The following LHPP variants were observed in gnomAD, a reference collection of about 807,000 sequenced individuals.
LHPP encodes hLHPP.
In LHPP, 24 loss-of-function variants were observed where a neutral mutation model predicts 30.3. That is an observed-to-expected ratio of 0.79 (90% CI 0.57 to 1.11). The LOEUF (loss-of-function observed/expected upper bound fraction) is 1.11. Among genes scored for constraint, LHPP ranks in the 50% most tolerant of loss-of-function variants. The pLI is 0.00. For missense variants in LHPP, 356 were observed against 367.2 expected (o/e 0.97, Z 0.25); for synonymous variants, 150 against 157.1 (o/e 0.95, Z 0.34).
chr10:124,554,024 T>C, intron 6 of LHPP: 1 of 985,418 alleles, frequency 1.0e-6, no homozygotes, highest in Non-Finnish European at 1.2e-6. Context: ...TTCGAGAGAC[T>C]CCACTGCAGA....
At chr10:124,467,519 C>CT (rs112628606) in intron 1 of LHPP, among the ~76,000 whole-genome samples, 6,625 of 136,634 alleles carry the variant, frequency 0.048, 199 homozygotes, top group East Asian at 0.15. Context: ...TTTTCTTTTT[C>CT]TTTTTTTTTT....
rs1263670534 is a variant in LHPP at position 124,576,048 on chromosome 10, T to G, written c.717-37216T>G. Reference sequence around the variant, plus strand: ...TGAGAAAGGTATGAGCCGAAAGAAATGGGGGTTCCCACTGGATTGGTCGTT... The same window carrying G: ...TGAGAAAGGTATGAGCCGAAAGAAAGGGGGGTTCCCACTGGATTGGTCGTT... On this transcript the variant is annotated intron_variant, in intron 6 of 6. Transcript: ENST00000368842. The surrounding 1 kb of genome is among the most constrained non-coding windows in gnomAD (Gnocchi z 4.2). Among the ~76,000 whole-genome samples the G allele has an allele frequency of 6.6e-6, 1 of 152,108 alleles. No individual in the cohort carries two copies. The highest frequency in any genetic ancestry group is 1.5e-5 in the Non-Finnish European group (1 of 68,006).
At chr10:124,543,931 A>G (rs984224091) in intron 6 of LHPP, among the ~76,000 whole-genome samples, 81 of 152,390 alleles carry the variant, frequency 5.3e-4, no homozygotes, top group African/African-American at 1.7e-3. Flanking sequence ...CAAAAAATGC[A>G]TACTAAAAGC....
intron 6 of LHPP, among the ~76,000 whole-genome samples, chr10:124,612,278 T>C (rs1336240540): frequency 6.6e-6 from 1 of 152,004 alleles, no homozygotes; most frequent in South Asian, 2.1e-4. Context: ...TGGTGGCGGG[T>C]GCCTGTAGTC....
intron 6 of LHPP, among the ~76,000 whole-genome samples, chr10:124,551,686 C>T (rs972573064): frequency 2.0e-5 from 3 of 152,178 alleles, no homozygotes; most frequent in African/African-American, 7.2e-5. Flanking sequence ...AGAAGAGCTG[C>T]AGCCCCTGAG....
intron 6 of LHPP, among the ~76,000 whole-genome samples, chr10:124,587,479 G>A (rs945970707): frequency 6.6e-6 from 1 of 151,188 alleles, no homozygotes; most frequent in Non-Finnish European, 1.5e-5. Flanking sequence ...AGTGGCTCAC[G>A]TCTGTAATCC....
At chr10:124,462,677 G>T (rs1952438766) in intron 1 of LHPP, among the ~76,000 whole-genome samples, 1 of 152,202 alleles carries the variant, frequency 6.6e-6, no homozygotes, top group African/African-American at 2.4e-5. Flanking sequence ...TTTGCCTGTT[G>T]AAATGATATA....
chr10:124,474,513 A>G (rs1456805092), intron 1 of LHPP, among the ~76,000 whole-genome samples: 2 of 152,042 alleles, frequency 1.3e-5, no homozygotes, highest in African/African-American at 4.8e-5. Flanking sequence ...AAGGAGCTGT[A>G]TTTTCCACAT....
At position 124,461,823 on chromosome 10, in the gene LHPP, G is replaced by C; in HGVS notation, c.-40G>C. On this transcript the variant is annotated 5_prime_UTR_variant, in exon 1 of 7. Coordinates refer to ENST00000368842, the MANE Select transcript of LHPP (RefSeq NM_022126.4). Reference sequence around the variant, plus strand: ...GCGCGGCCGCGGCGCCGGCGCCGGCGTCGGTTGGGACGCGGAGCTGAGGAG... The same window carrying C: ...GCGCGGCCGCGGCGCCGGCGCCGGCCTCGGTTGGGACGCGGAGCTGAGGAG... The C allele has an allele frequency of 8.2e-7, 1 of 1,223,216 alleles. No homozygotes were observed. The highest frequency in any genetic ancestry group is 1.0e-6 in the Non-Finnish European group (1 of 979,970). 75.8% of individuals were successfully genotyped at this position (1,223,216 alleles called of 1,614,324 possible).
chr10:124,599,244 T>G (rs1200630786), intron 6 of LHPP, among the ~76,000 whole-genome samples: 7 of 151,876 alleles, frequency 4.6e-5, no homozygotes, highest in Non-Finnish European at 1.0e-4. Context: ...TCCCTGTGCA[T>G]GCATCATCCT....
intron 5 of LHPP, among the ~76,000 whole-genome samples, chr10:124,501,854 G>C (rs1953911122): frequency 6.6e-6 from 1 of 151,668 alleles, no homozygotes; most frequent in Non-Finnish European, 1.5e-5. Context: ...TTTTACCGTT[G>C]ATCTGTTGGA....
At chr10:124,469,460 G>A (rs1287784830) in intron 1 of LHPP, among the ~76,000 whole-genome samples, 3 of 151,982 alleles carry the variant, frequency 2.0e-5, no homozygotes, top group East Asian at 1.9e-4. Flanking sequence ...CCTGTCGTGC[G>A]CCAGGCAGGT....
intron 6 of LHPP, among the ~76,000 whole-genome samples, chr10:124,577,967 C>A (rs1270427957): frequency 6.6e-6 from 1 of 152,152 alleles, no homozygotes; most frequent in African/African-American, 2.4e-5. Context: ...GGGAGTGCCA[C>A]CCAGGTTTCC....
At position 124,523,626 on chromosome 10, in the gene LHPP, A is replaced by G. The variant is rs1018533500; in HGVS notation, c.716+6355A>G. Among the ~76,000 whole-genome samples, 1 of 152,212 alleles carries G rather than the reference A, an allele frequency of 6.6e-6. No homozygotes were observed. The highest frequency in any genetic ancestry group is 2.4e-5 in the African/African-American group (1 of 41,444). ...CTGGTGTTAATTTTTCAGCAGTCAC[A>G]TGTCAAAGTGAGTGGCTAGCAAGCA... On this transcript the variant is annotated intron_variant, in intron 6 of 6. Coordinates refer to ENST00000368842, the MANE Select transcript of LHPP (RefSeq NM_022126.4). This position sits in a 1 kb window ranked among gnomAD's most constrained non-coding sequence, Gnocchi z 4.2.
At chr10:124,573,408 C>T (rs753651782) in intron 6 of LHPP, among the ~76,000 whole-genome samples, 13 of 152,196 alleles carry the variant, frequency 8.5e-5, no homozygotes, top group Non-Finnish European at 1.3e-4. Flanking sequence ...TAGTCTCCAC[C>T]TCAAGTGATC....
rs748764473 is a variant in LHPP at position 124,595,269 on chromosome 10, G to A, written c.717-17995G>A. On this transcript the variant is annotated intron_variant, in intron 6 of 6. Transcript: ENST00000368842. ...CCCGCTGCAACCTGGTTGGGGACGC[G>A]AGGAGGGCACCCAGCAGGCTGCCAG... 5.9e-5 allele frequency among the ~76,000 whole-genome samples: 9 copies of A among 152,272 alleles called. No homozygotes were observed. In the South Asian group the frequency reaches 1.0e-3, roughly 18 times the overall value.
intron 2 of LHPP, among the ~76,000 whole-genome samples, chr10:124,485,604 G>GTT (rs5788665): frequency 5.4e-4 from 80 of 149,466 alleles, no homozygotes; most frequent in Middle Eastern, 3.4e-3. Context: ...AATAGTTTTG[G>GTT]TTTTTTTTTT....
At position 124,484,070 on chromosome 10, in the gene LHPP, G is replaced by A. The variant is rs554292523; in HGVS notation, c.126-69G>A. ...TGCTGGATGCCCTTCGAGAATCACCGCGCAACCTCCTTCAGAGGCCCAACA... is the reference window on the plus strand; with the variant it reads ...TGCTGGATGCCCTTCGAGAATCACCACGCAACCTCCTTCAGAGGCCCAACA... On this transcript the variant is annotated intron_variant, in intron 1 of 6. Transcript: ENST00000368842. 82 of 1,486,638 alleles carry A rather than the reference G, an allele frequency of 5.5e-5. No homozygotes were observed. In the Middle Eastern group the frequency reaches 6.9e-4, roughly 12 times the overall value. The allele number at this position is 1,486,638 out of a possible 1,614,324, so 92.1% of individuals were successfully genotyped here.
At chr10:124,493,410 G>A (rs1953595206) in intron 3 of LHPP, among the ~76,000 whole-genome samples, 1 of 152,198 alleles carries the variant, frequency 6.6e-6, no homozygotes, top group South Asian at 2.1e-4. Context: ...GCTGAGCGGT[G>A]CCCACCAAGG....
Sources: allele counts gnomAD v4.1 joint callset (sites outside exome capture counted in the v4.1 genomes callset), GRCh38; gene constraint gnomAD v4.1.1; non-coding constraint Gnocchi (gnomAD v3.1); transcripts MANE v1.5; gene names NCBI Gene and HGNC (gene_info 2026-07-23, HGNC 2026-07-21).